PI4K2B: variants seen among roughly 807,000 people sequenced by gnomAD.
PI4K2B encodes the protein phosphatidylinositol 4-kinase type 2-beta.
In PI4K2B, 46 loss-of-function variants were observed where a neutral mutation model predicts 56.6. The ratio of observed to expected loss-of-function variants is 0.81; its 90% CI spans 0.64 to 1.04. The LOEUF (loss-of-function observed/expected upper bound fraction) is 1.04. Ranked by LOEUF, PI4K2B falls within the 50% of genes least tolerant of loss-of-function variation. PI4K2B has a pLI of 0.00. For missense variants in PI4K2B, 556 were observed against 607.7 expected (o/e 0.91, Z 0.89); for synonymous variants, 211 against 223.8 (o/e 0.94, Z 0.51).
intron 1 of PI4K2B, among the ~76,000 whole-genome samples, chr4:25,244,818 G>A (rs1045270090): frequency 3.9e-5 from 6 of 152,042 alleles, no homozygotes; most frequent in Non-Finnish European, 5.9e-5. Context: ...AACCCGCAAC[G>A]GTCCCTGGAC....
intron 1 of PI4K2B, among the ~76,000 whole-genome samples, chr4:25,248,112 T>G (rs948275228): frequency 2.0e-5 from 3 of 152,248 alleles, no homozygotes; most frequent in Non-Finnish European, 4.4e-5. Context: ...AAAGAGTTTA[T>G]TTTGATTTAT....
At chr4:25,266,867 A>G (rs938475316) in intron 7 of PI4K2B, among the ~76,000 whole-genome samples, 1 of 152,224 alleles carries the variant, frequency 6.6e-6, no homozygotes, top group Non-Finnish European at 1.5e-5. Context: ...GAGAACAAAC[A>G]CTATTGCCTA....
At chr4:25,260,631 TATATATATATAC>T (rs71188930) in intron 6 of PI4K2B, 40 bp downstream of exon 6, 86,825 of 207,778 alleles carry the variant, frequency 0.42, 12,146 homozygotes, top group Non-Finnish European at 0.48. Flanking sequence ...TATATATATA[TATATATATATAC>T]ACACACACAC....
chr4:25,238,628 G>A (rs754081814), intron 1 of PI4K2B, among the ~76,000 whole-genome samples: 11 of 152,066 alleles, frequency 7.2e-5, no homozygotes, highest in Non-Finnish European at 1.5e-4. Context: ...GACCTTCACG[G>A]TGAGAGTTAT....
At chr4:25,260,354 ATGTT>A (rs1301702529) in intron 5 of PI4K2B, among the ~76,000 whole-genome samples, 166 bp from the exon 6 acceptor site, 10 of 150,568 alleles carry the variant, frequency 6.6e-5, no homozygotes, top group African/African-American at 2.4e-4. Context: ...GCTCACATTT[ATGTT>A]TGTTTTTTTT....
chr4:25,246,279 A>G lies in PI4K2B; in HGVS notation c.269-6042A>G, dbSNP rs562654997. ...TTTGTTCCCTTATCTGGCCCCACCCACATCCTGCTGATTGGTCCATTTTAC... is the reference window on the plus strand; with the variant it reads ...TTTGTTCCCTTATCTGGCCCCACCCGCATCCTGCTGATTGGTCCATTTTAC... On this transcript the variant is annotated intron_variant, in intron 1 of 9. Transcript: ENST00000264864. 4.7e-3 allele frequency among the ~76,000 whole-genome samples: 719 copies of G among 152,216 alleles called. 3 individuals carry two copies. Among genetic ancestry groups the G allele is most frequent in the Admixed American group, 0.012 (186 of 15,298 alleles).
At chr4:25,262,985 C>G (rs1716532708) in intron 6 of PI4K2B, among the ~76,000 whole-genome samples, 1 of 152,158 alleles carries the variant, frequency 6.6e-6, no homozygotes, top group South Asian at 2.1e-4. Flanking sequence ...GGGGAGGCCT[C>G]AGGAAACTTA....
intron 1 of PI4K2B, among the ~76,000 whole-genome samples, chr4:25,243,781 C>T (rs1290396086): frequency 6.6e-6 from 1 of 152,186 alleles, no homozygotes; most frequent in African/African-American, 2.4e-5. Context: ...TTGAATAATT[C>T]ATGGGCTTTT....
chr4:25,278,898 A>G lies in PI4K2B; in HGVS notation c.*1711A>G, dbSNP rs1253809071. The G allele has an allele frequency of 6.6e-6, 1 of 152,642 alleles. No homozygotes were observed. The highest frequency in any genetic ancestry group is 1.5e-5 in the Non-Finnish European group (1 of 68,032). 9.5% of individuals were successfully genotyped at this position (152,642 alleles called of 1,614,324 possible). A position where few individuals can be genotyped will look rare whatever the true frequency, so the allele number is the denominator to read the frequency against. ...ATTAAAATACCATGGTAATATTTGCAAAAGGTCTGGCCATACCAGAAAAGT... is the reference window on the plus strand; with the variant it reads ...ATTAAAATACCATGGTAATATTTGCGAAAGGTCTGGCCATACCAGAAAAGT... On this transcript the variant is annotated 3_prime_UTR_variant, in exon 10 of 10. Coordinates refer to ENST00000264864, the MANE Select transcript of PI4K2B (RefSeq NM_018323.4).
At chr4:25,260,665 TACACAC>T in intron 6 of PI4K2B, 74 bp downstream of exon 6, 1 of 278,872 alleles carries the variant, frequency 3.6e-6, no homozygotes, top group Non-Finnish European at 6.5e-6. Flanking sequence ...CACACACACA[TACACAC>T]ACACACGTGT....
rs574653863 is a variant in PI4K2B at position 25,260,116 on chromosome 4, T to C, written c.911-408T>C. The stretch of plus-strand genomic sequence containing the variant: ...TTCTTAATTTACATATATATGTTTA[T>C]AGTCTAGACTACTTCTATGCTGACA... On this transcript the variant is annotated intron_variant, in intron 5 of 9. Transcript: ENST00000264864. 7.9e-5 allele frequency among the ~76,000 whole-genome samples: 12 copies of C among 152,350 alleles called. 1 individual carries two copies. Among genetic ancestry groups the C allele is most frequent in the African/African-American group, 2.6e-4 (11 of 41,592 alleles).
At chr4:25,251,826 G>GTTGTTGTTGTTA (rs1553889412) in intron 1 of PI4K2B, among the ~76,000 whole-genome samples, 4 of 150,508 alleles carry the variant, frequency 2.7e-5, no homozygotes, top group African/African-American at 7.4e-5. Flanking sequence ...TGTTGTTGTT[G>GTTGTTGTTGTTA]TTATTATTAT....
chr4:25,240,765 C>G (rs1715482621), intron 1 of PI4K2B, among the ~76,000 whole-genome samples: 1 of 151,790 alleles, frequency 6.6e-6, no homozygotes, highest in Admixed American at 6.6e-5. Flanking sequence ...ATTTCTTTGT[C>G]TCTTCCTCTC....
chr4:25,238,563 G>A (rs540681739), intron 1 of PI4K2B, among the ~76,000 whole-genome samples: 38 of 152,154 alleles, frequency 2.5e-4, no homozygotes, highest in African/African-American at 8.4e-4. Flanking sequence ...GGATGTGTTC[G>A]GAGTTTCTTC....
intron 1 of PI4K2B, among the ~76,000 whole-genome samples, chr4:25,244,411 C>T (rs528491767): frequency 6.6e-6 from 1 of 152,276 alleles, no homozygotes; most frequent in East Asian, 1.9e-4. Context: ...TATTCTCCCT[C>T]AATGAAAAGA....
intron 1 of PI4K2B, among the ~76,000 whole-genome samples, chr4:25,236,692 T>C (rs960155183): frequency 1.3e-5 from 2 of 152,224 alleles, no homozygotes; most frequent in Non-Finnish European, 1.5e-5. Flanking sequence ...TTGCCCGAAG[T>C]CAAATATCCA....
chr4:25,255,171 G>T lies in PI4K2B; in HGVS notation c.530G>T (p.Arg177Leu). 4 of 1,614,102 alleles carry T rather than the reference G, an allele frequency of 2.5e-6. No homozygotes were observed. Among genetic ancestry groups the T allele is most frequent in the Non-Finnish European group, 3.4e-6 (4 of 1,179,970 alleles). The change falls in exon 3 of 10, where the codon CGA (arginine) becomes CTA (leucine). Residue 177 changes from arginine to leucine, a missense_variant. Arg to Leu is a moderately radical substitution (Grantham distance 102, BLOSUM62 -2). Transcript: ENST00000264864. ...GTCTGCTGCCCTTGCTGCTTTGGCC[G>T]AGGCTGCCTGATTCCTAATCAGGGG... ...HKVCCPCCFG[R>L]GCLIPNQGYL...
intron 1 of PI4K2B, among the ~76,000 whole-genome samples, chr4:25,249,209 T>A (rs1270330356): frequency 6.6e-6 from 1 of 152,210 alleles, no homozygotes; most frequent in African/African-American, 2.4e-5. Context: ...TATGTCTACT[T>A]CTTTCTACAC....
At chr4:25,267,320 A>G (rs1716702036) in intron 7 of PI4K2B, among the ~76,000 whole-genome samples, 1 of 152,262 alleles carries the variant, frequency 6.6e-6, no homozygotes, top group African/African-American at 2.4e-5. Flanking sequence ...GGACATATCT[A>G]CAAGGAGATG....
Sources: allele counts gnomAD v4.1 joint callset (sites outside exome capture counted in the v4.1 genomes callset), GRCh38; gene constraint gnomAD v4.1.1; transcripts MANE v1.5; gene names NCBI Gene and HGNC (gene_info 2026-07-23, HGNC 2026-07-21).